MYH9: variants seen among roughly 807,000 people sequenced by gnomAD.
The protein encoded by MYH9 is myosin-9.
In MYH9, 29 loss-of-function variants were observed where a neutral mutation model predicts 241.9. The observed-to-expected ratio is 0.12, with a 90% CI of 0.09 to 0.16. The LOEUF (loss-of-function observed/expected upper bound fraction) is 0.16, where lower values mean the gene tolerates loss of function less well. Ranked by LOEUF, MYH9 falls within the 10% of genes least tolerant of loss-of-function variation. The pLI is 1.00. For missense variants in MYH9, 1,803 were observed against 2,595.5 expected (o/e 0.69, Z 6.63); for synonymous variants, 1,047 against 1,062.6 (o/e 0.99, Z 0.29).
chr22:36,361,270 A>G (rs958146172), intron 1 of MYH9, among the ~76,000 whole-genome samples: 6 of 152,008 alleles, frequency 3.9e-5, no homozygotes, highest in South Asian at 2.1e-4. Flanking sequence ...TGCTTAGCAG[A>G]TAAGAAAACC....
chr22:36,298,359 G>T (rs2016821135), intron 24 of MYH9, among the ~76,000 whole-genome samples: 1 of 152,176 alleles, frequency 6.6e-6, no homozygotes, highest in Non-Finnish European at 1.5e-5. Flanking sequence ...AGGGCACACA[G>T]AGACAAGGCA....
rs578178050 is a variant in MYH9 at position 36,300,505 on chromosome 22, G to A, written c.2839-241C>T. ...ACTGGGACACAGGGCCAGAACATCG[G>A]TGCAATGTTCTGAAGGGTTTCCTGC... On this transcript the variant is annotated intron_variant, in intron 22 of 40. Transcript: ENST00000216181. The surrounding 1 kb of genome is among the most constrained non-coding windows in gnomAD (Gnocchi z 5.0). Among the ~76,000 whole-genome samples, 1 of 152,336 alleles carries A rather than the reference G, an allele frequency of 6.6e-6. No individual in the cohort carries two copies. The highest frequency in any genetic ancestry group is 2.1e-4 in the South Asian group (1 of 4,828).
intron 2 of MYH9, 115 bp downstream of exon 2, chr22:36,348,789 C>A: frequency 9.8e-7 from 1 of 1,018,574 alleles, no homozygotes. Flanking sequence ...TTCAAGCCCC[C>A]TTCTCAACCA....
intron 3 of MYH9, among the ~76,000 whole-genome samples, chr22:36,337,998 T>C (rs1382028416): frequency 3.0e-5 from 4 of 135,008 alleles, no homozygotes; most frequent in Non-Finnish European, 6.2e-5. Flanking sequence ...CTTTCTTTTC[T>C]TTTTTTTTTT....
intron 1 of MYH9, among the ~76,000 whole-genome samples, chr22:36,357,322 G>A (rs2017871856): frequency 6.6e-6 from 1 of 152,232 alleles, no homozygotes; most frequent in African/African-American, 2.4e-5. Flanking sequence ...GGCCGAGGGA[G>A]AAAAGCAAGA....
intron 1 of MYH9, among the ~76,000 whole-genome samples, chr22:36,385,127 C>T (rs1284768227): frequency 1.3e-5 from 2 of 151,482 alleles, no homozygotes; most frequent in African/African-American, 4.8e-5. Flanking sequence ...ATTTTTGGAA[C>T]ATGATGCTTG....
chr22:36,301,316 C>T (rs1479075492), intron 21 of MYH9, among the ~76,000 whole-genome samples: 3 of 152,206 alleles, frequency 2.0e-5, no homozygotes, highest in Admixed American at 6.5e-5. Context: ...GAACCCAACA[C>T]TTGTGAACGT....
Position 36,319,642 on chromosome 22 carries a change from G to T in MYH9, c.1013-7C>A. On this transcript the variant is annotated splice_region_variant and splice_polypyrimidine_tract_variant and intron_variant, in intron 9 of 40. Transcript: ENST00000216181. ...GAGATGACCCGCAGCAGGCCTTTGG[G>T]TGCAATCAGAGGCAGCTCAGAAGCA... 6.2e-7 allele frequency: 1 copy of T among 1,613,914 alleles called. No homozygotes were observed.
chr22:36,303,655 G>A (rs2146346124), intron 19 of MYH9, among the ~76,000 whole-genome samples: 1 of 151,982 alleles, frequency 6.6e-6, no homozygotes, highest in East Asian at 1.9e-4. Flanking sequence ...GTGGTGGCGT[G>A]CACCTGTAAC....
chr22:36,349,823 C>G (rs950677901), intron 1 of MYH9, among the ~76,000 whole-genome samples: 2 of 152,168 alleles, frequency 1.3e-5, no homozygotes, highest in Non-Finnish European at 2.9e-5. Flanking sequence ...TAACAAGAGT[C>G]TCAAAGACAG....
intron 1 of MYH9, among the ~76,000 whole-genome samples, chr22:36,358,471 C>T (rs534502113): frequency 7.8e-4 from 118 of 152,228 alleles, no homozygotes; most frequent in Non-Finnish European, 1.6e-3. Flanking sequence ...CCAGAGCTCT[C>T]CCCCACACCC....
chr22:36,351,843 C>T (rs897976604), intron 1 of MYH9, among the ~76,000 whole-genome samples: 9 of 152,020 alleles, frequency 5.9e-5, no homozygotes, highest in African/African-American at 1.5e-4. Context: ...CGCCAATGAA[C>T]GCATCTGAGG....
At chr22:36,370,198 G>T (rs2018068718) in intron 1 of MYH9, among the ~76,000 whole-genome samples, 1 of 152,214 alleles carries the variant, frequency 6.6e-6, no homozygotes, top group Non-Finnish European at 1.5e-5. Context: ...CAAAGGGCCT[G>T]CAGGTGGGAG....
chr22:36,378,801 C>A (rs186364948), intron 1 of MYH9, among the ~76,000 whole-genome samples: 1 of 152,040 alleles, frequency 6.6e-6, no homozygotes, highest in African/African-American at 2.4e-5. Flanking sequence ...GTATGTGTTG[C>A]TTGGCTAAAC....
At chr22:36,380,755 AAAAG>A (rs918231164) in intron 1 of MYH9, among the ~76,000 whole-genome samples, 9 of 152,002 alleles carry the variant, frequency 5.9e-5, no homozygotes, top group African/African-American at 1.7e-4. Flanking sequence ...AAAAGAAAAG[AAAAG>A]AAAAGAAAAG....
intron 3 of MYH9, among the ~76,000 whole-genome samples, chr22:36,336,320 G>A (rs1217832873): frequency 6.6e-6 from 1 of 152,234 alleles, no homozygotes; most frequent in Non-Finnish European, 1.5e-5. Context: ...CCATAGGGGA[G>A]ACCCCAGAGG....
chr22:36,354,724 G>A (rs945468772), intron 1 of MYH9, among the ~76,000 whole-genome samples: 16 of 152,086 alleles, frequency 1.1e-4, no homozygotes, highest in Non-Finnish European at 1.8e-4. Flanking sequence ...GCTTACAGGC[G>A]TGAGCCACCG....
At chr22:36,284,750 T>C (rs1031802618) in intron 38 of MYH9, among the ~76,000 whole-genome samples, 1 of 152,172 alleles carries the variant, frequency 6.6e-6, no homozygotes, top group African/African-American at 2.4e-5. Context: ...AGAGCATCTA[T>C]GTAACTGGAA....
Position 36,305,790 on chromosome 22 carries a change from G to T in MYH9, c.2159+140C>A. ...GGAAAAGAGAAGGAGGTGGGGAAGA[G>T]CTGGCCAGACTCAGTTCTACATGGA... On this transcript the variant is annotated intron_variant, in intron 17 of 40. Coordinates refer to ENST00000216181, the MANE Select transcript of MYH9 (RefSeq NM_002473.6). The surrounding 1 kb of genome is among the most constrained non-coding windows in gnomAD (Gnocchi z 4.7). 1 of 1,228,864 alleles carries T rather than the reference G, an allele frequency of 8.1e-7. No homozygotes were observed. The highest frequency in any genetic ancestry group is 2.4e-5 in the East Asian group (1 of 42,274). 76.1% of individuals were successfully genotyped at this position (1,228,864 alleles called of 1,614,324 possible). A position where few individuals can be genotyped will look rare whatever the true frequency, so the allele number is the denominator to read the frequency against.
Sources: allele counts gnomAD v4.1 joint callset (sites outside exome capture counted in the v4.1 genomes callset), GRCh38; gene constraint gnomAD v4.1.1; non-coding constraint Gnocchi (gnomAD v3.1); transcripts MANE v1.5; gene names NCBI Gene and HGNC (gene_info 2026-07-23, HGNC 2026-07-21).